KCNMA1: variants seen among roughly 807,000 people sequenced by gnomAD.
The protein encoded by KCNMA1 is potassium calcium-activated channel subfamily M alpha 1.
Under a neutral mutation model 140.0 loss-of-function variants are expected in KCNMA1, and 29 were observed. The observed-to-expected ratio is 0.21, with a 90% confidence interval of 0.15 to 0.28. The LOEUF is 0.28. KCNMA1 is among the 10% of genes least tolerant of loss of function. KCNMA1 has a pLI of 1.00. For synonymous variants in KCNMA1, 612 were observed against 611.9 expected, an observed-to-expected ratio of 1.00 and a Z score of 0.00; for missense variants, 880 against 1,602.2, an observed-to-expected ratio of 0.55 and a Z score of 7.70.
At chr10:77,540,479 T>C (rs561957476) in intron 1 of KCNMA1, among the ~76,000 whole-genome samples, 18 of 152,250 alleles carry the variant, frequency 1.2e-4, no homozygotes, top group Non-Finnish European at 2.5e-4. Flanking sequence ...CTTGATACCA[T>C]ACTTATGGAT....
At chr10:77,439,444 G>A (rs1196249847) in intron 1 of KCNMA1, among the ~76,000 whole-genome samples, 1 of 152,178 alleles carries the variant, frequency 6.6e-6, no homozygotes, top group Non-Finnish European at 1.5e-5. Context: ...GGAGTATGGG[G>A]GTGGGAAGGG....
At chr10:77,134,633 A>G (rs1245996063) in intron 5 of KCNMA1, among the ~76,000 whole-genome samples, 1 of 152,122 alleles carries the variant, frequency 6.6e-6, no homozygotes, top group Non-Finnish European at 1.5e-5. Flanking sequence ...AAACACAGGC[A>G]ATAAAAGCAA....
At chr10:77,166,862 G>T (rs939835816) in intron 5 of KCNMA1, among the ~76,000 whole-genome samples, 4 of 152,176 alleles carry the variant, frequency 2.6e-5, no homozygotes, top group African/African-American at 9.7e-5. Context: ...TGTATTTTCA[G>T]TGTCTATGTG....
At chr10:76,917,828 T>C (rs1419539037) in intron 23 of KCNMA1, among the ~76,000 whole-genome samples, 1 of 152,194 alleles carries the variant, frequency 6.6e-6, no homozygotes, top group Non-Finnish European at 1.5e-5. Flanking sequence ...ACATAATTTA[T>C]TAGCATTGTT....
At position 77,096,637 on chromosome 10, in the gene KCNMA1, C is replaced by T. The variant is rs142241756; in HGVS notation, c.1224-6127G>A. Among the ~76,000 whole-genome samples, 52 of 152,148 alleles carry T rather than the reference C, an allele frequency of 3.4e-4. 1 individual carries two copies. Among genetic ancestry groups the T allele is most frequent in the Non-Finnish European group, 5.9e-4 (40 of 68,010 alleles). On this transcript the variant is annotated intron_variant, in intron 9 of 27. Transcript: ENST00000286628. ...GATACTATATCCATTTTTACTGGAA[C>T]GAGTATAAAGAACTTAAAAAACCCA...
chr10:76,871,616 A>G (rs1589307566), exon 28 of KCNMA1: 2 of 152,208 alleles, frequency 1.3e-5, no homozygotes, highest in Admixed American at 6.5e-5. Context: ...TAGTCTTACC[A>G]TCGTGAGGAC....
At chr10:77,496,596 C>CAAAA (rs201304328) in intron 1 of KCNMA1, among the ~76,000 whole-genome samples, 6 of 63,004 alleles carry the variant, frequency 9.5e-5, no homozygotes, top group Non-Finnish European at 2.2e-4. Context: ...GACACTGTCT[C>CAAAA]AAAAAAAAAA....
intron 1 of KCNMA1, among the ~76,000 whole-genome samples, chr10:77,487,428 T>A (rs924483573): frequency 2.0e-5 from 3 of 152,184 alleles, no homozygotes; most frequent in South Asian, 2.1e-4. Flanking sequence ...TATATACTTT[T>A]GGTGCAATAC....
intron 2 of KCNMA1, among the ~76,000 whole-genome samples, chr10:77,265,580 C>T (rs1366659554): frequency 1.3e-5 from 2 of 152,048 alleles, no homozygotes; most frequent in Non-Finnish European, 2.9e-5. Flanking sequence ...TGAAGGCTTC[C>T]AAAGGGGAGA....
intron 1 of KCNMA1, among the ~76,000 whole-genome samples, chr10:77,592,518 T>C (rs2079520153): frequency 6.6e-6 from 1 of 152,188 alleles, no homozygotes; most frequent in African/African-American, 2.4e-5. Context: ...CTGTACTAAT[T>C]TGCAAATTTT....
chr10:77,115,894 G>A (rs904514958), intron 6 of KCNMA1, among the ~76,000 whole-genome samples: 1 of 152,174 alleles, frequency 6.6e-6, no homozygotes, highest in African/African-American at 2.4e-5. Context: ...ACAAGCAAAA[G>A]ATGCAAGGTT....
chr10:77,621,394 A>C (rs953085572), intron 1 of KCNMA1, among the ~76,000 whole-genome samples: 10 of 152,184 alleles, frequency 6.6e-5, no homozygotes, highest in African/African-American at 1.9e-4. Context: ...CATGTGGGAT[A>C]ATAAGGCATC....
At chr10:77,470,405 A>C (rs1319324768) in intron 1 of KCNMA1, among the ~76,000 whole-genome samples, 1 of 151,970 alleles carries the variant, frequency 6.6e-6, no homozygotes, top group Non-Finnish European at 1.5e-5. Context: ...AGACAGAGGG[A>C]GGGTAGGGCA....
chr10:77,371,448 A>C (rs937745101), intron 2 of KCNMA1, among the ~76,000 whole-genome samples: 5 of 152,198 alleles, frequency 3.3e-5, no homozygotes, highest in Non-Finnish European at 5.9e-5. Flanking sequence ...ATGGGTCAGC[A>C]GTCTTGACCC....
Position 77,135,327 on chromosome 10 carries a change from G to A in KCNMA1, c.809-14279C>T, listed in dbSNP as rs541506058. 7.9e-5 allele frequency among the ~76,000 whole-genome samples: 12 copies of A among 152,210 alleles called. No homozygotes were observed. In the South Asian group the frequency reaches 1.2e-3, roughly 16 times the overall value. ...CACATCTGTTAGAAGGGTTATTATC[G>A]AAAAGACAAAAGGTTAAGTGTTGGT... On this transcript the variant is annotated intron_variant, in intron 5 of 27. Coordinates refer to ENST00000286628, the MANE Select transcript of KCNMA1 (RefSeq NM_001161352.2).
intron 2 of KCNMA1, among the ~76,000 whole-genome samples, chr10:77,387,420 C>G (rs1019698942): frequency 6.6e-6 from 1 of 152,094 alleles, no homozygotes. Context: ...ATAATGTAAA[C>G]TTTAGGGAAT....
At chr10:77,549,185 A>G (rs1443494099) in intron 1 of KCNMA1, among the ~76,000 whole-genome samples, 1 of 152,228 alleles carries the variant, frequency 6.6e-6, no homozygotes. Flanking sequence ...TGCATACTCC[A>G]CAAACAAGGA....
At chr10:77,217,426 T>C (rs2048156219) in intron 3 of KCNMA1, 1 of 446,322 alleles carries the variant, frequency 2.2e-6, no homozygotes, top group South Asian at 1.6e-5. Context: ...ACTTCTCACA[T>C]GGCCAACTTC....
chr10:77,005,295 G>A (rs2088077503), intron 18 of KCNMA1, among the ~76,000 whole-genome samples: 1 of 152,188 alleles, frequency 6.6e-6, no homozygotes, highest in Non-Finnish European at 1.5e-5. Context: ...AGGGGTAGGG[G>A]CAGTGAAAGG....
Sources: allele counts gnomAD v4.1 joint callset (sites outside exome capture counted in the v4.1 genomes callset), GRCh38; gene constraint gnomAD v4.1.1; transcripts MANE v1.5; gene names NCBI Gene and HGNC (gene_info 2026-07-23, HGNC 2026-07-21).